NRG3: variants seen among roughly 807,000 people sequenced by gnomAD.
The protein encoded by NRG3 is pro-neuregulin-3, membrane-bound isoform.
NRG3 carries 31 observed loss-of-function variants against 66.9 expected under a neutral mutation model. That is an observed-to-expected ratio of 0.46 (90% confidence interval 0.35 to 0.63). NRG3 has a LOEUF of 0.63. NRG3 is among the 20% of genes least tolerant of loss of function. The pLI is 0.00. For missense variants in NRG3, 910 were observed against 878.9 expected, an observed-to-expected ratio of 1.04 and a Z score of -0.45; for synonymous variants, 393 against 359.4, an observed-to-expected ratio of 1.09 and a Z score of -1.06.
intron 1 of NRG3, among the ~76,000 whole-genome samples, chr10:82,007,375 AATT>A (rs2061415150): frequency 6.6e-6 from 1 of 151,802 alleles, no homozygotes; most frequent in African/African-American, 2.4e-5. Context: ...ATGCCCAGCT[AATT>A]TTTATATTTT....
At chr10:82,045,946 T>C (rs2063271099) in intron 1 of NRG3, among the ~76,000 whole-genome samples, 1 of 151,518 alleles carries the variant, frequency 6.6e-6, no homozygotes, top group Admixed American at 6.6e-5. Flanking sequence ...TTGGTACCAG[T>C]ACCATGCTGT....
At chr10:82,759,356 T>C (rs1406474215) in intron 3 of NRG3, among the ~76,000 whole-genome samples, 2 of 151,984 alleles carry the variant, frequency 1.3e-5, no homozygotes, top group Non-Finnish European at 2.9e-5. Flanking sequence ...AATAAACCTC[T>C]TTTGTTTGTA....
At chr10:82,414,522 C>T (rs535711079) in intron 2 of NRG3, among the ~76,000 whole-genome samples, 119 of 152,126 alleles carry the variant, frequency 7.8e-4, no homozygotes, top group African/African-American at 2.3e-3. Context: ...GAGCACATGC[C>T]GTTGGTAAAA....
intron 1 of NRG3, among the ~76,000 whole-genome samples, chr10:82,114,973 A>C (rs1006344749): frequency 1.3e-5 from 2 of 152,166 alleles, no homozygotes; most frequent in East Asian, 3.9e-4. Flanking sequence ...TCAATCGCTC[A>C]GTTTTCTTTT....
At chr10:81,923,909 G>T (rs78208493) in intron 1 of NRG3, among the ~76,000 whole-genome samples, 1 of 152,278 alleles carries the variant, frequency 6.6e-6, no homozygotes, top group African/African-American at 2.4e-5. Context: ...ATATTTATAG[G>T]GTGAGCATGT....
At chr10:82,132,011 T>C (rs910246199) in intron 1 of NRG3, among the ~76,000 whole-genome samples, 1 of 152,080 alleles carries the variant, frequency 6.6e-6, no homozygotes, top group African/African-American at 2.4e-5. Context: ...CCTTTCCAAA[T>C]TGGTTGCCAT....
intron 4 of NRG3, among the ~76,000 whole-genome samples, chr10:82,889,311 TGA>T (rs759105046): frequency 1.3e-5 from 2 of 152,080 alleles, no homozygotes; most frequent in African/African-American, 4.8e-5. Flanking sequence ...ATACCGGGTT[TGA>T]GAGACAGCAA....
At chr10:82,683,151 G>C (rs2054243689) in intron 2 of NRG3, among the ~76,000 whole-genome samples, 2 of 151,814 alleles carry the variant, frequency 1.3e-5, no homozygotes, top group South Asian at 4.2e-4. Flanking sequence ...GTAGAGACGG[G>C]GTTTCACCGT....
At chr10:82,926,170 C>T (rs1224671809) in intron 4 of NRG3, among the ~76,000 whole-genome samples, 1 of 152,074 alleles carries the variant, frequency 6.6e-6, no homozygotes. Flanking sequence ...TTGCCATATG[C>T]CAAATATATC....
intron 2 of NRG3, among the ~76,000 whole-genome samples, chr10:82,427,097 G>A (rs1227836692): frequency 6.6e-6 from 1 of 152,140 alleles, no homozygotes; most frequent in Admixed American, 6.6e-5. Context: ...GTGCATTTGT[G>A]TGTTTTGGTA....
intron 1 of NRG3, among the ~76,000 whole-genome samples, chr10:81,968,984 A>C (rs188552060): frequency 6.6e-6 from 1 of 152,320 alleles, no homozygotes; most frequent in Non-Finnish European, 1.5e-5. Flanking sequence ...GGTTGGTGGA[A>C]GTATCACAGC....
intron 1 of NRG3, among the ~76,000 whole-genome samples, chr10:82,253,107 A>G (rs1045805986): frequency 3.9e-5 from 6 of 152,168 alleles, no homozygotes. Context: ...GAATTTCCCA[A>G]TACCAACAAC....
At chr10:81,894,525 C>A (rs1843334222) in intron 1 of NRG3, among the ~76,000 whole-genome samples, 1 of 152,074 alleles carries the variant, frequency 6.6e-6, no homozygotes, top group Admixed American at 6.6e-5. Context: ...TTAATCACCA[C>A]CAAATACAGT....
chr10:82,135,790 TTC>T (rs2132571834), intron 1 of NRG3, among the ~76,000 whole-genome samples: 1 of 152,288 alleles, frequency 6.6e-6, no homozygotes, highest in South Asian at 2.1e-4. Flanking sequence ...CAATTTTGAA[TTC>T]TCTGTCTGAA....
intron 1 of NRG3, among the ~76,000 whole-genome samples, chr10:81,989,931 G>T (rs1252053200): frequency 1.3e-5 from 2 of 152,248 alleles, no homozygotes; most frequent in African/African-American, 4.8e-5. Flanking sequence ...GAGGAGCAGA[G>T]AAATGAAGTA....
At chr10:82,637,508 T>A (rs1393824674) in intron 2 of NRG3, among the ~76,000 whole-genome samples, 5 of 152,148 alleles carry the variant, frequency 3.3e-5, no homozygotes, top group Non-Finnish European at 7.4e-5. Flanking sequence ...TGAACATCAT[T>A]AATGATGAGT....
At chr10:82,340,025 G>C (rs1018533215) in intron 1 of NRG3, among the ~76,000 whole-genome samples, 4 of 152,100 alleles carry the variant, frequency 2.6e-5, no homozygotes, top group South Asian at 4.2e-4. Flanking sequence ...GAATACTCTC[G>C]AAAGTGTCTT....
chr10:82,428,935 A>C (rs1275926654), intron 2 of NRG3, among the ~76,000 whole-genome samples: 1 of 151,982 alleles, frequency 6.6e-6, no homozygotes, highest in African/African-American at 2.4e-5. Flanking sequence ...TATATTACTG[A>C]TACATTAAAA....
At chr10:81,910,090 T>A (rs1438157009) in intron 1 of NRG3, among the ~76,000 whole-genome samples, 1 of 152,180 alleles carries the variant, frequency 6.6e-6, no homozygotes, top group East Asian at 1.9e-4. Context: ...AATGAATAAT[T>A]GTTTCAGCCA....
Sources: allele counts gnomAD v4.1 joint callset (sites outside exome capture counted in the v4.1 genomes callset), GRCh38; gene constraint gnomAD v4.1.1; transcripts MANE v1.5; gene names NCBI Gene and HGNC (gene_info 2026-07-23, HGNC 2026-07-21).